ROBO2: variants seen among roughly 807,000 people sequenced by gnomAD.
ROBO2 encodes the protein roundabout homolog 2.
ROBO2 carries 53 observed loss-of-function variants against 160.8 expected under a neutral mutation model. That is an observed-to-expected ratio of 0.33 (90% confidence interval 0.26 to 0.41). ROBO2 has a LOEUF of 0.41. Among genes scored for constraint, ROBO2 ranks in the 10% least tolerant of loss-of-function variants. ROBO2 has a pLI of 1.00. For missense variants in ROBO2, 1,577 were observed against 1,722.4 expected (o/e 0.92, Z 1.49); for synonymous variants, 664 against 611.7 (o/e 1.09, Z -1.26).
intron 2 of ROBO2, among the ~76,000 whole-genome samples, chr3:77,022,694 T>G (rs1055838078): frequency 5.3e-5 from 8 of 152,196 alleles, no homozygotes; most frequent in Admixed American, 4.6e-4. Context: ...ATAGGAGTGT[T>G]AGCGTTGACA....
intron 2 of ROBO2, among the ~76,000 whole-genome samples, chr3:76,402,828 GA>G (rs1330729680): frequency 6.6e-6 from 1 of 151,482 alleles, no homozygotes; most frequent in East Asian, 1.9e-4. Flanking sequence ...CCACTTTTAA[GA>G]ACTCATCTGA....
At chr3:76,535,962 G>T (rs1356164268) in intron 2 of ROBO2, among the ~76,000 whole-genome samples, 3 of 152,182 alleles carry the variant, frequency 2.0e-5, no homozygotes, top group African/African-American at 7.2e-5. Flanking sequence ...AGAGCTTTGA[G>T]CTGGAGCTCC....
chr3:77,271,775 G>T (rs1024139520), intron 2 of ROBO2, among the ~76,000 whole-genome samples: 1 of 152,226 alleles, frequency 6.6e-6, no homozygotes, highest in Non-Finnish European at 1.5e-5. Context: ...AGTAAAATTT[G>T]ATGCCCCCAT....
At chr3:76,398,905 G>T (rs970712653) in intron 2 of ROBO2, among the ~76,000 whole-genome samples, 5 of 151,744 alleles carry the variant, frequency 3.3e-5, no homozygotes, top group African/African-American at 1.2e-4. Flanking sequence ...ATATTTGATG[G>T]TAAGACTGGG....
At chr3:77,051,218 T>C (rs1038962866) in intron 1 of ROBO2, among the ~76,000 whole-genome samples, 7 of 152,138 alleles carry the variant, frequency 4.6e-5, no homozygotes. Flanking sequence ...ACCTTTCTGA[T>C]TTGAAAGCCT....
At chr3:77,323,044 G>C (rs1322551001) in intron 2 of ROBO2, among the ~76,000 whole-genome samples, 9 of 128,696 alleles carry the variant, frequency 7.0e-5, no homozygotes, top group Non-Finnish European at 1.4e-4. Flanking sequence ...TTATATTATG[G>C]ATAATATAAT....
At position 76,142,832 on chromosome 3, in the gene ROBO2, T is replaced by C. The variant is rs568118659; in HGVS notation, c.109+205230T>C. ...GATTGTTTGTAACACAAATAATAGA[T>C]GCTTGAGGGATGAATACCTATTCTC... On this transcript the variant is annotated intron_variant, in intron 2 of 26. Transcript: ENST00000487694. 4.6e-5 allele frequency among the ~76,000 whole-genome samples: 7 copies of C among 152,150 alleles called. No homozygotes were observed. In the South Asian group the frequency reaches 1.5e-3, roughly 32 times the overall value.
At chr3:77,140,336 G>T (rs768788353) in intron 2 of ROBO2, among the ~76,000 whole-genome samples, 38 of 152,186 alleles carry the variant, frequency 2.5e-4, no homozygotes, top group Admixed American at 1.1e-3. Flanking sequence ...AGCCTGGCTA[G>T]GACCATTATA....
chr3:76,216,538 C>A (rs1010012742), intron 2 of ROBO2, among the ~76,000 whole-genome samples: 2 of 152,026 alleles, frequency 1.3e-5, no homozygotes, highest in Non-Finnish European at 2.9e-5. Context: ...GACTTTAAAC[C>A]AACAAAGATC....
chr3:76,755,334 A>G (rs1467033307), intron 2 of ROBO2, among the ~76,000 whole-genome samples: 1 of 151,844 alleles, frequency 6.6e-6, no homozygotes. Flanking sequence ...ACCTCGTATT[A>G]TTATAAAACC....
chr3:76,905,547 A>G (rs1236793760), intron 2 of ROBO2, among the ~76,000 whole-genome samples: 2 of 152,178 alleles, frequency 1.3e-5, no homozygotes, highest in Non-Finnish European at 2.9e-5. Context: ...ACCAAGCTAG[A>G]TATGACCCAA....
chr3:76,461,145 A>G (rs929751726), intron 2 of ROBO2, among the ~76,000 whole-genome samples: 11 of 152,236 alleles, frequency 7.2e-5, no homozygotes, highest in African/African-American at 2.7e-4. Flanking sequence ...GGGAGGCCTC[A>G]GGAAACTTAT....
chr3:76,640,118 C>G (rs968610990), intron 2 of ROBO2, among the ~76,000 whole-genome samples: 3 of 152,190 alleles, frequency 2.0e-5, no homozygotes, highest in Admixed American at 2.0e-4. Context: ...GAGCCATATT[C>G]TTTGCTCAGA....
At chr3:76,156,055 TA>T (rs2072393830) in intron 2 of ROBO2, among the ~76,000 whole-genome samples, 2 of 152,236 alleles carry the variant, frequency 1.3e-5, no homozygotes, top group South Asian at 4.1e-4. Flanking sequence ...TCTAAGATTC[TA>T]AATTTCAGAT....
intron 2 of ROBO2, among the ~76,000 whole-genome samples, chr3:76,805,212 A>G (rs760213768): frequency 6.6e-6 from 1 of 152,050 alleles, no homozygotes; most frequent in African/African-American, 2.4e-5. Flanking sequence ...GACTCTGTCA[A>G]TACAAGCGCC....
chr3:77,002,352 T>C (rs887362209), intron 2 of ROBO2, among the ~76,000 whole-genome samples: 1 of 151,896 alleles, frequency 6.6e-6, no homozygotes, highest in African/African-American at 2.4e-5. Flanking sequence ...ATTTAAATCT[T>C]AAGGATGACT....
At chr3:76,719,841 G>A (rs971368045) in intron 2 of ROBO2, among the ~76,000 whole-genome samples, 17 of 149,664 alleles carry the variant, frequency 1.1e-4, no homozygotes, top group African/African-American at 3.0e-4. Context: ...CTGAGATTGC[G>A]CCACTGCACT....
At chr3:76,060,277 C>T (rs1296575339) in intron 2 of ROBO2, among the ~76,000 whole-genome samples, 1 of 146,036 alleles carries the variant, frequency 6.8e-6, no homozygotes, top group Non-Finnish European at 1.5e-5. Context: ...CATTTTCACA[C>T]AGAGACCTGA....
chr3:77,264,007 G>A (rs896343352), intron 2 of ROBO2, among the ~76,000 whole-genome samples: 2 of 151,484 alleles, frequency 1.3e-5, no homozygotes, highest in African/African-American at 4.8e-5. Flanking sequence ...CTCAATAAAG[G>A]TTAGCTATCA....
Sources: gnomAD v4.1 joint callset for allele counts (sites outside exome capture counted in the v4.1 genomes callset) on GRCh38, gnomAD v4.1.1 for gene constraint, MANE v1.5 for transcripts, NCBI Gene and HGNC (gene_info 2026-07-23, HGNC 2026-07-21) for gene names.